The following SMPD3 variants were observed in gnomAD, a reference collection of about 807,000 sequenced individuals.
The protein encoded by SMPD3 is nSMase-2.
A neutral mutation model predicts 55.7 loss-of-function variants in SMPD3; 21 were observed. The ratio of observed to expected loss-of-function variants is 0.38; its 90% CI spans 0.27 to 0.54. SMPD3 has a LOEUF of 0.54. Ranked by LOEUF, SMPD3 falls within the 20% of genes least tolerant of loss-of-function variation. The pLI is 0.80. For missense variants in SMPD3, 842 were observed against 899.6 expected, an observed-to-expected ratio of 0.94 and a Z score of 0.82; for synonymous variants, 457 against 404.3, an observed-to-expected ratio of 1.13 and a Z score of -1.56.
At chr16:68,413,008 TAGAG>T (rs2090313600) in intron 1 of SMPD3, among the ~76,000 whole-genome samples, 1 of 152,236 alleles carries the variant, frequency 6.6e-6, no homozygotes, top group Non-Finnish European at 1.5e-5. Flanking sequence ...AAAACAGACT[TAGAG>T]AGCTGAAGTG....
At chr16:68,416,742 A>C (rs1483643832) in intron 1 of SMPD3, among the ~76,000 whole-genome samples, 1 of 152,110 alleles carries the variant, frequency 6.6e-6, no homozygotes, top group South Asian at 2.1e-4. Flanking sequence ...GTTGTCACCC[A>C]TGCAGCCACT....
intron 2 of SMPD3, among the ~76,000 whole-genome samples, chr16:68,380,848 C>T (rs747584274): frequency 2.0e-5 from 3 of 152,238 alleles, no homozygotes; most frequent in Non-Finnish European, 4.4e-5. Flanking sequence ...GACCCTGTGT[C>T]GGCTGCATTT....
intron 1 of SMPD3, among the ~76,000 whole-genome samples, chr16:68,407,886 A>T (rs2090266557): frequency 6.6e-6 from 1 of 152,226 alleles, no homozygotes; most frequent in Admixed American, 6.5e-5. Flanking sequence ...GAGGAAAAAT[A>T]AGTGTTTAAA....
chr16:68,415,547 G>A (rs779436516), intron 1 of SMPD3, among the ~76,000 whole-genome samples: 2 of 152,136 alleles, frequency 1.3e-5, no homozygotes, highest in African/African-American at 4.8e-5. Flanking sequence ...GTTAACCTAC[G>A]GCTTAAAATT....
At chr16:68,382,357 A>T (rs1272548694) in intron 2 of SMPD3, among the ~76,000 whole-genome samples, 1 of 152,222 alleles carries the variant, frequency 6.6e-6, no homozygotes, top group Non-Finnish European at 1.5e-5. Context: ...TGGCTAGCTG[A>T]CAGTGCACCC....
chr16:68,386,428 T>C (rs549508284), intron 2 of SMPD3, among the ~76,000 whole-genome samples, 170 bp downstream of exon 2: 1 of 152,298 alleles, frequency 6.6e-6, no homozygotes, highest in South Asian at 2.1e-4. Context: ...CCAAATTGCT[T>C]ACCCCAGAGC....
chr16:68,441,064 G>A (rs973191127), intron 1 of SMPD3, among the ~76,000 whole-genome samples: 3 of 152,182 alleles, frequency 2.0e-5, no homozygotes, highest in African/African-American at 7.2e-5. Context: ...TGATTTATCT[G>A]AAAATTGTCT....
At chr16:68,400,622 T>C (rs898330976) in intron 1 of SMPD3, among the ~76,000 whole-genome samples, 3 of 152,248 alleles carry the variant, frequency 2.0e-5, no homozygotes, top group African/African-American at 7.2e-5. Flanking sequence ...TAGTACCATA[T>C]GCTACAAGTA....
intron 3 of SMPD3, among the ~76,000 whole-genome samples, chr16:68,370,428 C>T (rs375298865): frequency 4.6e-5 from 7 of 152,150 alleles, no homozygotes; most frequent in Admixed American, 6.5e-5. Context: ...CTCTCTGCCT[C>T]GTTATGAACC....
chr16:68,390,406 A>G (rs1361986926), intron 1 of SMPD3, among the ~76,000 whole-genome samples: 1 of 152,220 alleles, frequency 6.6e-6, no homozygotes, highest in African/African-American at 2.4e-5. Context: ...TGACGCCTGT[A>G]ATCCCAGCAC....
intron 2 of SMPD3, among the ~76,000 whole-genome samples, chr16:68,384,747 C>A (rs541619949): frequency 2.0e-5 from 3 of 152,040 alleles, no homozygotes; most frequent in Non-Finnish European, 2.9e-5. Flanking sequence ...TTGTGCCCCC[C>A]ACTCCCCCCG....
chr16:68,430,145 G>T (rs1597665275), intron 1 of SMPD3, among the ~76,000 whole-genome samples: 1 of 136,396 alleles, frequency 7.3e-6, no homozygotes, highest in South Asian at 2.4e-4. Context: ...GGTACCCAAG[G>T]TCAGCTTTGA....
intron 1 of SMPD3, among the ~76,000 whole-genome samples, chr16:68,390,519 A>G (rs2090101819): frequency 6.6e-6 from 1 of 152,076 alleles, no homozygotes; most frequent in Admixed American, 6.6e-5. Flanking sequence ...AAACTAGCTG[A>G]GTGTGGTGGT....
chr16:68,423,311 A>C (rs1174329144), intron 1 of SMPD3, among the ~76,000 whole-genome samples: 1 of 152,184 alleles, frequency 6.6e-6, no homozygotes, highest in East Asian at 1.9e-4. Flanking sequence ...TGTGTCCCCC[A>C]AATTTCTTGT....
At chr16:68,420,333 G>A (rs1166024719) in intron 1 of SMPD3, among the ~76,000 whole-genome samples, 1 of 152,170 alleles carries the variant, frequency 6.6e-6, no homozygotes, top group Non-Finnish European at 1.5e-5. Context: ...AGGTACAATT[G>A]TTATTGTCCC....
intron 2 of SMPD3, among the ~76,000 whole-genome samples, chr16:68,382,771 C>T (rs747933845): frequency 3.3e-5 from 5 of 152,196 alleles, no homozygotes; most frequent in African/African-American, 9.6e-5. Context: ...CTGGGGAACA[C>T]GGGCCTGAGG....
At chr16:68,388,813 A>G (rs981334467) in intron 1 of SMPD3, among the ~76,000 whole-genome samples, 1 of 152,116 alleles carries the variant, frequency 6.6e-6, no homozygotes, top group Non-Finnish European at 1.5e-5. Flanking sequence ...AAAAAGAAAC[A>G]TGTCAGATCA....
chr16:68,360,149 T>A lies in SMPD3; in HGVS notation c.*1057A>T, dbSNP rs1294594152. 6.6e-6 allele frequency: 1 copy of A among 152,526 alleles called. No individual in the cohort carries two copies. Among genetic ancestry groups the A allele is most frequent in the Non-Finnish European group, 1.5e-5 (1 of 68,116 alleles). The allele number at this position is 152,526 out of a possible 1,614,324, so 9.4% of individuals were successfully genotyped here. A position where few individuals can be genotyped will look rare whatever the true frequency, so the allele number is the denominator to read the frequency against. ...CCCCACCCGGGGGGCAGGCAGGGGTTCCTGAGCTCAGCCGGCACGCAGGTG... is the reference window on the plus strand; with the variant it reads ...CCCCACCCGGGGGGCAGGCAGGGGTACCTGAGCTCAGCCGGCACGCAGGTG... On this transcript the variant is annotated 3_prime_UTR_variant, in exon 9 of 9. Transcript: ENST00000219334.
intron 1 of SMPD3, among the ~76,000 whole-genome samples, chr16:68,416,177 C>T (rs927553072): frequency 1.3e-5 from 2 of 152,198 alleles, no homozygotes; most frequent in African/African-American, 4.8e-5. Context: ...CCACTGTGCC[C>T]GTAATCAGGT....
Sources: allele counts gnomAD v4.1 joint callset (sites outside exome capture counted in the v4.1 genomes callset), GRCh38; gene constraint gnomAD v4.1.1; transcripts MANE v1.5; gene names NCBI Gene and HGNC (gene_info 2026-07-23, HGNC 2026-07-21).